FOXP4: variants seen among roughly 807,000 people sequenced by gnomAD.
The protein encoded by FOXP4 is forkhead box P4.
Under a neutral mutation model 82.6 loss-of-function variants are expected in FOXP4, and 25 were observed. That is an observed-to-expected ratio of 0.30 (90% CI 0.22 to 0.42). The LOEUF (loss-of-function observed/expected upper bound fraction) is 0.42. Among genes scored for constraint, FOXP4 ranks in the 10% least tolerant of loss-of-function variants. FOXP4 has a pLI of 1.00. For missense variants in FOXP4, 785 were observed against 900.9 expected, an observed-to-expected ratio of 0.87 and a Z score of 1.65; for synonymous variants, 415 against 388.2, an observed-to-expected ratio of 1.07 and a Z score of -0.81.
intron 1 of FOXP4, among the ~76,000 whole-genome samples, chr6:41,557,932 T>G (rs1464770293): frequency 6.6e-6 from 1 of 152,170 alleles, no homozygotes; most frequent in Non-Finnish European, 1.5e-5. Flanking sequence ...GTGGAGCCTT[T>G]CAGATAGGAA....
chr6:41,556,521 T>A (rs1055618662), intron 1 of FOXP4, among the ~76,000 whole-genome samples: 65 of 152,134 alleles, frequency 4.3e-4, no homozygotes, highest in African/African-American at 1.4e-3. Context: ...AGATAGGGTT[T>A]CACCATGTTA....
At chr6:41,563,488 T>C (rs996878875) in intron 1 of FOXP4, among the ~76,000 whole-genome samples, 3 of 152,130 alleles carry the variant, frequency 2.0e-5, no homozygotes, top group Non-Finnish European at 4.4e-5. Context: ...GGAGACCGTG[T>C]GGTTATAGGG....
intron 2 of FOXP4, among the ~76,000 whole-genome samples, chr6:41,576,339 G>A (rs911979013): frequency 1.3e-5 from 2 of 152,124 alleles, no homozygotes; most frequent in Admixed American, 1.3e-4. Flanking sequence ...CAGGAGGCTC[G>A]GCTGTTTGCA....
At chr6:41,578,187 C>T (rs1765597673) in intron 3 of FOXP4, 106 bp downstream of exon 3, 1 of 937,356 alleles carries the variant, frequency 1.1e-6, no homozygotes, top group South Asian at 1.6e-5. Flanking sequence ...AGTTCCAACA[C>T]CAAAAAGTGG....
chr6:41,598,461 A>G (rs1018544662), intron 16 of FOXP4, among the ~76,000 whole-genome samples: 1 of 152,022 alleles, frequency 6.6e-6, no homozygotes, highest in East Asian at 1.9e-4. Context: ...CAGGTGATCC[A>G]CTGGCCTCGC....
chr6:41,577,388 C>T (rs1765547956), intron 2 of FOXP4, among the ~76,000 whole-genome samples: 1 of 152,168 alleles, frequency 6.6e-6, no homozygotes, highest in African/African-American at 2.4e-5. Flanking sequence ...TGCTCTGGCT[C>T]CACAGTGAAT....
At chr6:41,551,185 G>A (rs968541312) in intron 1 of FOXP4, among the ~76,000 whole-genome samples, 2 of 152,192 alleles carry the variant, frequency 1.3e-5, no homozygotes, top group African/African-American at 4.8e-5. Flanking sequence ...GAGCCTGGAC[G>A]CAGGGCACAC....
At chr6:41,551,867 C>T (rs1764017014) in intron 1 of FOXP4, among the ~76,000 whole-genome samples, 1 of 152,134 alleles carries the variant, frequency 6.6e-6, no homozygotes, top group Admixed American at 6.5e-5. Flanking sequence ...GTGCTGGAGG[C>T]CAGGCTGGTG....
rs1421943568 is a variant in FOXP4 at position 41,594,948 on chromosome 6, G to C, written c.1615G>C (p.Asp539His). Residue 539 changes from aspartate to histidine, a missense_variant, in exon 14 of 17, where the codon GAC becomes CAC. Around this residue, in one of 3 missense-constraint regions of FOXP4, gnomAD observed 31 missense variants for 79.6 expected, o/e 0.39. Coordinates refer to ENST00000307972, the MANE Select transcript of FOXP4 (RefSeq NM_001012426.2). ...CGTCAAGGGTGCCGTGTGGACTGTG[G>C]ACGAGCGGGAGTATCAGAAGCGGAG... ...ENVKGAVWTV[D>H]EREYQKRRPP... 6.2e-7 allele frequency: 1 copy of C among 1,614,194 alleles called. No homozygotes were observed. Among genetic ancestry groups the C allele is most frequent in the Non-Finnish European group, 8.5e-7 (1 of 1,180,036 alleles).
At chr6:41,570,460 C>G (rs1468193168) in intron 2 of FOXP4, 4 of 461,842 alleles carry the variant, frequency 8.7e-6, no homozygotes, top group South Asian at 3.2e-5. Context: ...AGGGCCTTAA[C>G]CATCCCCCTT....
chr6:41,573,305 G>A (rs1765300889), intron 2 of FOXP4, among the ~76,000 whole-genome samples: 1 of 152,114 alleles, frequency 6.6e-6, no homozygotes, highest in Non-Finnish European at 1.5e-5. Flanking sequence ...CTATCCTGGA[G>A]GGGAGAGAGA....
intron 1 of FOXP4, among the ~76,000 whole-genome samples, chr6:41,550,376 C>T (rs560687702): frequency 2.0e-5 from 3 of 152,174 alleles, no homozygotes; most frequent in East Asian, 3.9e-4. Flanking sequence ...CAAGGGATGG[C>T]GTTTATTATT....
Position 41,591,441 on chromosome 6 carries a change from A to T in FOXP4, c.1536+119A>T. The T allele has an allele frequency of 1.2e-6, 1 of 867,700 alleles. No individual in the cohort carries two copies. The highest frequency in any genetic ancestry group is 1.8e-6 in the Non-Finnish European group (1 of 545,518). The allele number at this position is 867,700 out of a possible 1,614,324, so 53.8% of individuals were successfully genotyped here. ...AACCATTAGTCCTGCAGAAACAGCC[A>T]CCCAAGGGCCCAGCCAGGGCTGCAT... On this transcript the variant is annotated intron_variant, in intron 13 of 16. Transcript: ENST00000307972. The surrounding 1 kb of genome is among the most constrained non-coding windows in gnomAD (Gnocchi z 4.2).
Position 41,565,845 on chromosome 6 carries a change from GGCA to G in FOXP4, c.91_93del (p.Ser31del), listed in dbSNP as rs1562017671. On this transcript the variant is annotated inframe_deletion, in exon 2 of 17. Coordinates refer to ENST00000307972, the MANE Select transcript of FOXP4 (RefSeq NM_001012426.2). ...GGGCAGCCTCTCTGGGCAAGCCGATGGCAGCAGCGGCGGGGCCACAGGGACAAC... is the reference window on the plus strand; with the variant it reads ...GGGCAGCCTCTCTGGGCAAGCCGATGGCAGCGGCGGGGCCACAGGGACAAC... The G allele has an allele frequency of 1.2e-6, 2 of 1,613,912 alleles. No homozygotes were observed. The highest frequency in any genetic ancestry group is 1.7e-6 in the Non-Finnish European group (2 of 1,180,032).
intron 2 of FOXP4, 130 bp from the exon 3 acceptor site, chr6:41,577,856 C>A: frequency 1.6e-6 from 1 of 637,164 alleles, no homozygotes; most frequent in Non-Finnish European, 2.8e-6. Context: ...CTTATGGACC[C>A]ATGACCCTCT....
chr6:41,587,350 C>G lies in FOXP4; in HGVS notation c.710C>G (p.Pro237Arg), dbSNP rs1160442919. The G allele has an allele frequency of 2.5e-6, 4 of 1,610,790 alleles. No homozygotes were observed. Among genetic ancestry groups the G allele is most frequent in the Non-Finnish European group, 3.4e-6 (4 of 1,178,442 alleles). Residue 237 changes from proline (P) to arginine (R), a missense_variant, in exon 7 of 17, where the codon CCC (proline) becomes CGC (arginine). By Grantham distance (103) the Pro-to-Arg change is moderately radical. This residue lies in a region of FOXP4 where 570 missense variants were observed against 634.0 expected (regional missense o/e 0.90). Coordinates refer to ENST00000307972, the MANE Select transcript of FOXP4 (RefSeq NM_001012426.2). ...CAGCTGTGGAAGGGCGAGGGTGCCC[C>G]CGGGCAGCCTGCCGAGGACAGCGTC... ...LPQLWKGEGA[P>R]GQPAEDSVKQ...
chr6:41,550,938 A>T (rs58953006), intron 1 of FOXP4, among the ~76,000 whole-genome samples: 1 of 152,174 alleles, frequency 6.6e-6, no homozygotes, highest in South Asian at 2.1e-4. Context: ...CAAGTCTCAG[A>T]CCAGTTTGGG....
rs563161400 is a variant in FOXP4 at position 41,551,282 on chromosome 6, G to A, written c.-17+4415G>A. ...GGTGTTGGACCGTGGAGTCACTGTTGCTGTGGTGTGTCGCCCGGGCTGGAC... is the reference window on the plus strand; with the variant it reads ...GGTGTTGGACCGTGGAGTCACTGTTACTGTGGTGTGTCGCCCGGGCTGGAC... On this transcript the variant is annotated intron_variant, in intron 1 of 16. Coordinates refer to ENST00000307972, the MANE Select transcript of FOXP4 (RefSeq NM_001012426.2). Among the ~76,000 whole-genome samples, 6 of 152,330 alleles carry A rather than the reference G, an allele frequency of 3.9e-5. No homozygotes were observed. The East Asian group carries it at 1.2e-3, about 29-fold the overall frequency.
chr6:41,553,874 A>G (rs1161020653), intron 1 of FOXP4, among the ~76,000 whole-genome samples: 1 of 152,196 alleles, frequency 6.6e-6, no homozygotes, highest in East Asian at 1.9e-4. Flanking sequence ...AAGCCTCCCA[A>G]CAGTCAGGTC....
Sources: gnomAD v4.1 joint callset for allele counts (sites outside exome capture counted in the v4.1 genomes callset) on GRCh38, gnomAD v4.1.1 for gene constraint, gnomAD v4.1.1 regional missense constraint, Gnocchi (gnomAD v3.1) non-coding constraint, MANE v1.5 for transcripts, NCBI Gene and HGNC (gene_info 2026-07-23, HGNC 2026-07-21) for gene names.